Variants in SASH1 observed in about 807,000 individuals in gnomAD.
The protein encoded by SASH1 is SAM and SH3 domain containing 1, also known as SAM and SH3 domain-containing protein 1.
SASH1 carries 44 observed loss-of-function variants against 125.2 expected under a neutral mutation model. The ratio of observed to expected loss-of-function variants is 0.35; its 90% CI spans 0.28 to 0.45. SASH1 has a LOEUF of 0.45. Ranked by LOEUF, SASH1 falls within the 20% of genes least tolerant of loss-of-function variation. The pLI, the probability that SASH1 is intolerant of heterozygous loss-of-function variation, is 1.00. For synonymous variants in SASH1, 639 were observed against 649.1 expected (o/e 0.98, Z 0.24); for missense variants, 1,426 against 1,614.5 (o/e 0.88, Z 2.00).
chr6:148,505,057 T>G (rs940927154), intron 8 of SASH1, among the ~76,000 whole-genome samples: 2 of 152,178 alleles, frequency 1.3e-5, no homozygotes, highest in Non-Finnish European at 2.9e-5. Flanking sequence ...AACGAGGGCT[T>G]CCTTACCTGC....
chr6:148,512,305 G>A (rs1184391366), intron 8 of SASH1, among the ~76,000 whole-genome samples: 1 of 152,198 alleles, frequency 6.6e-6, no homozygotes, highest in African/African-American at 2.4e-5. Context: ...ATTTTTAAAT[G>A]TGAGGATTAG....
At chr6:148,343,314 C>A in intron 1 of SASH1, 91 bp downstream of exon 1, 1 of 1,272,886 alleles carries the variant, frequency 7.9e-7, no homozygotes, top group Non-Finnish European at 1.1e-6. Context: ...ACCCACTGGG[C>A]AACCCACTCC....
At chr6:148,421,197 GAA>G (rs1418877112) in intron 2 of SASH1, among the ~76,000 whole-genome samples, 1 of 143,358 alleles carries the variant, frequency 7.0e-6, no homozygotes, top group East Asian at 2.1e-4. Flanking sequence ...AAGAAAGAAA[GAA>G]AGAAAGAAAG....
In SASH1 at chr6:148,527,556, A is replaced by G; in HGVS notation, c.1388A>G (p.Lys463Arg). 1.2e-6 allele frequency: 2 copies of G among 1,611,296 alleles called. No individual in the cohort carries two copies. Among genetic ancestry groups the G allele is most frequent in the South Asian group, 2.2e-5 (2 of 90,156 alleles). Residue 463 changes from lysine to arginine, a missense_variant, in exon 12 of 20, where the codon AAG (lysine) becomes AGG (arginine). This residue lies in a region of SASH1 where 225 missense variants were observed against 344.5 expected (regional missense o/e 0.65). Coordinates refer to ENST00000367467, the MANE Select transcript of SASH1 (RefSeq NM_015278.5). ...KVKSVKETMR[K>R]RMSKKYSSSV... ...AAATCAGTGAAAGAGACGATGAGAA[A>G]GAGAATGTCTAAAAAATACAGCAGC...
chr6:148,272,561 G>A (rs963735292), intron 1 of SASH1, among the ~76,000 whole-genome samples: 3 of 152,046 alleles, frequency 2.0e-5, no homozygotes, highest in South Asian at 2.1e-4. Flanking sequence ...TGACTGCTTC[G>A]GAATTCCTTC....
rs79029908 is a variant in SASH1 at position 148,363,484 on chromosome 6, C to T, written c.156+20261C>T. The stretch of plus-strand genomic sequence containing the variant: ...TGGCACGATCTTCGCTCACTGCAAC[C>T]TGCACCTCCCAGATTCAAGCAATTC... On this transcript the variant is annotated intron_variant, in intron 1 of 19. Transcript: ENST00000367467. Among the ~76,000 whole-genome samples the T allele has an allele frequency of 5.9e-3, 896 of 152,090 alleles. 40 individuals are homozygous for T. In the East Asian group the frequency reaches 0.12, roughly 20 times the overall value.
intron 15 of SASH1, among the ~76,000 whole-genome samples, 173 bp downstream of exon 15, chr6:148,534,153 T>C (rs1438899328): frequency 1.3e-5 from 2 of 152,052 alleles, no homozygotes; most frequent in African/African-American, 4.8e-5. Context: ...GTTAGTTAGT[T>C]ACCAGTTTTC....
chr6:148,534,897 T>TGAC lies in SASH1; in HGVS notation c.2092_2094dup (p.Asp698dup), dbSNP rs1562493003. 1 of 1,614,098 alleles carries TGAC rather than the reference T, an allele frequency of 6.2e-7. No homozygotes were observed. The highest frequency in any genetic ancestry group is 1.3e-5 in the African/African-American group (1 of 75,058). On this transcript the variant is annotated inframe_insertion, in exon 16 of 20. Transcript: ENST00000367467. ...CAGCAGTGGAGCTGTTACAAGAGTATGACAGTAAGTCCCTGTATGCACAGA... is the reference window on the plus strand; with the variant it reads ...CAGCAGTGGAGCTGTTACAAGAGTATGACGACAGTAAGTCCCTGTATGCACAGA...
chr6:148,512,888 G>A, intron 8 of SASH1: 2 of 984,810 alleles, frequency 2.0e-6, no homozygotes, highest in Non-Finnish European at 1.2e-6. Flanking sequence ...AACCATAAGT[G>A]GGTAAACGGT....
intron 15 of SASH1, 98 bp downstream of exon 15, chr6:148,534,078 T>A: frequency 9.9e-7 from 1 of 1,008,556 alleles, no homozygotes; most frequent in Non-Finnish European, 1.5e-6. Flanking sequence ...GGGTTGGGGC[T>A]GATCTGTGTG....
intron 2 of SASH1, among the ~76,000 whole-genome samples, chr6:148,403,425 A>G (rs1784255893): frequency 6.6e-6 from 1 of 151,366 alleles, no homozygotes; most frequent in Non-Finnish European, 1.5e-5. Flanking sequence ...TTTGCTATAC[A>G]ATTACAACAT....
At chr6:148,332,449 GTGT>G (rs1309928162) in intron 1 of SASH1, among the ~76,000 whole-genome samples, 1 of 152,160 alleles carries the variant, frequency 6.6e-6, no homozygotes, top group Admixed American at 6.5e-5. Context: ...AGCAGAAAAT[GTGT>G]TGTTGTCGTC....
intron 1 of SASH1, among the ~76,000 whole-genome samples, chr6:148,346,738 T>G (rs1237569979): frequency 6.6e-6 from 1 of 152,248 alleles, no homozygotes; most frequent in African/African-American, 2.4e-5. Flanking sequence ...CTGCTCTGGC[T>G]GAAACTGCAT....
intron 2 of SASH1, among the ~76,000 whole-genome samples, chr6:148,419,269 A>G (rs1423386752): frequency 6.6e-6 from 1 of 152,184 alleles, no homozygotes; most frequent in African/African-American, 2.4e-5. Context: ...ATGGTTTCTC[A>G]TTCTAGCTTG....
the SASH1 span, among the ~76,000 whole-genome samples, chr6:148,245,413 G>A: frequency 5.9e-5 from 9 of 152,282 alleles, no homozygotes; most frequent in African/African-American, 2.2e-4. Flanking sequence ...TCCGCTTGAG[G>A]CTAGACGGTT....
At chr6:148,325,433 C>T (rs944869835) in intron 1 of SASH1, among the ~76,000 whole-genome samples, 6 of 151,976 alleles carry the variant, frequency 3.9e-5, no homozygotes, top group Admixed American at 1.3e-4. Flanking sequence ...CATGCCACCA[C>T]GCCCAGCTAA....
chr6:148,214,312 A>C, the SASH1 span, among the ~76,000 whole-genome samples: 1 of 152,372 alleles, frequency 6.6e-6, no homozygotes, highest in African/African-American at 2.4e-5. Context: ...CATTTCGCAC[A>C]TGTTAATAAT....
At chr6:148,327,979 C>A (rs1582971412) in intron 1 of SASH1, among the ~76,000 whole-genome samples, 2 of 148,806 alleles carry the variant, frequency 1.3e-5, no homozygotes, top group African/African-American at 4.9e-5. Flanking sequence ...GAAAAAAGAA[C>A]ACAAAAAGTA....
At chr6:148,266,956 G>A in the SASH1 span, among the ~76,000 whole-genome samples, 1 of 152,076 alleles carries the variant, frequency 6.6e-6, no homozygotes, top group Non-Finnish European at 1.5e-5. Flanking sequence ...CGGAGAGCTA[G>A]TAGGAGCCAG....
Sources: gnomAD v4.1 joint callset for allele counts (sites outside exome capture counted in the v4.1 genomes callset) on GRCh38, gnomAD v4.1.1 for gene constraint, gnomAD v4.1.1 regional missense constraint, MANE v1.5 for transcripts, NCBI Gene and HGNC (gene_info 2026-07-23, HGNC 2026-07-21) for gene names.